The following CDH12 variants were observed in gnomAD, a reference collection of about 807,000 sequenced individuals.
CDH12 encodes the protein cadherin 12.
In CDH12, 41 loss-of-function variants were observed where a neutral mutation model predicts 74.1. That is an observed-to-expected ratio of 0.55 (90% CI 0.43 to 0.72). CDH12 has a LOEUF of 0.72. Among genes scored for constraint, CDH12 ranks in the 30% least tolerant of loss-of-function variants. The pLI, the probability that CDH12 is intolerant of heterozygous loss-of-function variation, is 0.00. For synonymous variants in CDH12, 399 were observed against 355.0 expected (o/e 1.12, Z -1.39); for missense variants, 945 against 977.2 (o/e 0.97, Z 0.44).
chr5:21,903,303 A>G (rs536156467), intron 6 of CDH12, among the ~76,000 whole-genome samples: 1 of 152,098 alleles, frequency 6.6e-6, no homozygotes, highest in Admixed American at 6.6e-5. Flanking sequence ...TTTATGAGAA[A>G]CAAGGTTGGT....
At chr5:22,746,306 C>A (rs529691588) in intron 1 of CDH12, among the ~76,000 whole-genome samples, 3 of 152,068 alleles carry the variant, frequency 2.0e-5, no homozygotes, top group Non-Finnish European at 4.4e-5. Context: ...CCAAATCCCA[C>A]AACAATAACA....
intron 1 of CDH12, among the ~76,000 whole-genome samples, chr5:22,692,740 G>A (rs1742149952): frequency 6.6e-6 from 1 of 152,132 alleles, no homozygotes; most frequent in South Asian, 2.1e-4. Context: ...TGATTCCAGT[G>A]ATTGCTTTAT....
intron 1 of CDH12, among the ~76,000 whole-genome samples, chr5:22,654,594 T>A (rs1310438854): frequency 6.6e-6 from 1 of 150,612 alleles, no homozygotes; most frequent in African/African-American, 2.4e-5. Flanking sequence ...CCGGCCTCGA[T>A]GTATTCTTTC....
At chr5:22,731,843 A>G (rs1744444518) in intron 1 of CDH12, among the ~76,000 whole-genome samples, 1 of 150,928 alleles carries the variant, frequency 6.6e-6, no homozygotes, top group African/African-American at 2.5e-5. Flanking sequence ...TGACTTAGCT[A>G]AAAAATAAAT....
At chr5:22,013,136 G>C (rs1007813701) in intron 5 of CDH12, among the ~76,000 whole-genome samples, 1 of 152,162 alleles carries the variant, frequency 6.6e-6, no homozygotes, top group Non-Finnish European at 1.5e-5. Context: ...AAAGGAAAGA[G>C]GTTTAACTGA....
Position 22,325,605 on chromosome 5 carries a change from G to A in CDH12, c.-333+79652C>T, listed in dbSNP as rs141090630. Reference sequence around the variant, plus strand: ...GTAATGTAAAAACAAAGGTAATAACGGCCAGGCGCGGTGGCTCACACCTGT... The same window carrying A: ...GTAATGTAAAAACAAAGGTAATAACAGCCAGGCGCGGTGGCTCACACCTGT... On this transcript the variant is annotated intron_variant, in intron 3 of 14. Transcript: ENST00000382254. Among the ~76,000 whole-genome samples the A allele has an allele frequency of 5.0e-3, 756 of 152,096 alleles. 7 individuals are homozygous for A. The highest frequency in any genetic ancestry group is 0.017 in the African/African-American group (709 of 41,466).
intron 3 of CDH12, among the ~76,000 whole-genome samples, chr5:22,290,507 C>A (rs920642364): frequency 3.3e-5 from 5 of 151,690 alleles, no homozygotes; most frequent in African/African-American, 7.3e-5. Flanking sequence ...TGAATGAAAC[C>A]AAAAATGCAA....
At chr5:22,764,952 T>C (rs1490411829) in intron 1 of CDH12, among the ~76,000 whole-genome samples, 1 of 152,012 alleles carries the variant, frequency 6.6e-6, no homozygotes, top group Non-Finnish European at 1.5e-5. Context: ...TAGCATATAC[T>C]GTGTTTGCAT....
chr5:22,183,246 C>G (rs6881738), intron 4 of CDH12, among the ~76,000 whole-genome samples: 82,113 of 149,954 alleles, frequency 0.55, 24,217 homozygotes, highest in African/African-American at 0.77. Flanking sequence ...CAAGGAGAGA[C>G]TGGTGAATCA....
chr5:22,524,769 G>A (rs1580732155), intron 1 of CDH12, among the ~76,000 whole-genome samples: 2 of 151,944 alleles, frequency 1.3e-5, no homozygotes, highest in South Asian at 4.2e-4. Flanking sequence ...AGTGACACAT[G>A]TCACATCTCA....
chr5:22,237,635 T>G (rs1316218649), intron 3 of CDH12, among the ~76,000 whole-genome samples: 2 of 151,928 alleles, frequency 1.3e-5, no homozygotes, highest in Admixed American at 1.3e-4. Context: ...GTTTATAAGT[T>G]ATCCAGTTTA....
At chr5:22,056,144 GC>G (rs1740729403) in intron 5 of CDH12, among the ~76,000 whole-genome samples, 1 of 151,994 alleles carries the variant, frequency 6.6e-6, no homozygotes, top group Non-Finnish European at 1.5e-5. Context: ...CCAAGGAAAA[GC>G]AAATAGGGTC....
chr5:22,729,992 A>G (rs761292971), intron 1 of CDH12, among the ~76,000 whole-genome samples: 16 of 151,926 alleles, frequency 1.1e-4, no homozygotes, highest in Non-Finnish European at 2.1e-4. Flanking sequence ...TCAGAATGTT[A>G]GTTATTATTA....
Position 22,313,942 on chromosome 5 carries a change from C to A in CDH12, c.-333+91315G>T, listed in dbSNP as rs150716304. 3.9e-3 allele frequency among the ~76,000 whole-genome samples: 588 copies of A among 152,182 alleles called. 2 individuals are homozygous for A. Among genetic ancestry groups the A allele is most frequent in the African/African-American group, 0.013 (558 of 41,518 alleles). ...TATAATTTGCCCATGTAACAAAAAA[C>A]CACTTGTACCCCAAAAGCTATTGAA... On this transcript the variant is annotated intron_variant, in intron 3 of 14. Transcript: ENST00000382254.
intron 4 of CDH12, among the ~76,000 whole-genome samples, chr5:22,132,780 T>A (rs901947440): frequency 2.0e-5 from 3 of 151,990 alleles, no homozygotes; most frequent in Non-Finnish European, 4.4e-5. Flanking sequence ...AGTCTCAGGG[T>A]TTTAGGCTAC....
chr5:21,847,826 C>G (rs956024671), intron 7 of CDH12, among the ~76,000 whole-genome samples: 17 of 152,100 alleles, frequency 1.1e-4, no homozygotes, highest in African/African-American at 3.9e-4. Context: ...CTAACATTCT[C>G]TCCTTAGTCT....
intron 13 of CDH12, among the ~76,000 whole-genome samples, chr5:21,758,831 T>C (rs1035565100): frequency 6.6e-6 from 1 of 152,124 alleles, no homozygotes; most frequent in Non-Finnish European, 1.5e-5. Context: ...CATGGATGCA[T>C]CTGGAAGACA....
chr5:22,604,013 T>A (rs1489606531), intron 1 of CDH12, among the ~76,000 whole-genome samples: 1 of 152,168 alleles, frequency 6.6e-6, no homozygotes, highest in Non-Finnish European at 1.5e-5. Flanking sequence ...CAAGGGAATC[T>A]AGTTCACAGG....
intron 3 of CDH12, among the ~76,000 whole-genome samples, chr5:22,385,164 TC>T (rs1376447503): frequency 6.6e-5 from 10 of 152,208 alleles, no homozygotes. Flanking sequence ...AAACTGTGAT[TC>T]TTTAGATACT....
Sources: gnomAD v4.1 joint callset for allele counts (sites outside exome capture counted in the v4.1 genomes callset) on GRCh38, gnomAD v4.1.1 for gene constraint, MANE v1.5 for transcripts, NCBI Gene and HGNC (gene_info 2026-07-23, HGNC 2026-07-21) for gene names.